C16orf96: variants seen among roughly 807,000 people sequenced by gnomAD.
C16orf96 encodes the protein chromosome 16 open reading frame 96.
In C16orf96, 108 loss-of-function variants were observed where a neutral mutation model predicts 103.6. The observed-to-expected ratio is 1.04, with a 90% CI of 0.89 to 1.22. The LOEUF is 1.22. C16orf96 is among the 50% of genes most tolerant of loss of function. The pLI, the probability that C16orf96 is intolerant of heterozygous loss-of-function variation, is 0.00. For synonymous variants in C16orf96, 566 were observed against 593.5 expected, an observed-to-expected ratio of 0.95 and a Z score of 0.67; for missense variants, 1,586 against 1,464.2, an observed-to-expected ratio of 1.08 and a Z score of -1.36.
intron 9 of C16orf96, among the ~76,000 whole-genome samples, chr16:4,589,353 C>T (rs1031150307): frequency 1.3e-4 from 20 of 150,838 alleles, no homozygotes; most frequent in Admixed American, 2.0e-4. Context: ...CCAAAGCAGG[C>T]AGATCACTTG....
At chr16:4,541,623 AG>A in the C16orf96 span, among the ~76,000 whole-genome samples, 1 of 152,130 alleles carries the variant, frequency 6.6e-6, no homozygotes, top group African/African-American at 2.4e-5. Context: ...TGGTCTATTT[AG>A]TGTCATCTTT....
the C16orf96 span, among the ~76,000 whole-genome samples, chr16:4,550,487 T>C: frequency 1.3e-5 from 2 of 152,294 alleles, no homozygotes; most frequent in East Asian, 1.9e-4. Context: ...TGGCCCCCTC[T>C]CCAGCATCAA....
upstream of C16orf96, among the ~76,000 whole-genome samples, chr16:4,552,842 C>T (rs575715654): frequency 3.3e-5 from 5 of 152,258 alleles, no homozygotes; most frequent in South Asian, 2.1e-4. Context: ...CAGAACTTCA[C>T]ATTTAAATGC....
At chr16:4,569,779 C>T (rs1409126193) in intron 1 of C16orf96, among the ~76,000 whole-genome samples, 1 of 151,984 alleles carries the variant, frequency 6.6e-6, no homozygotes, top group African/African-American at 2.4e-5. Flanking sequence ...GTTCATGTAA[C>T]TCCTGGAGAG....
chr16:4,542,241 C>T, the C16orf96 span, among the ~76,000 whole-genome samples: 3 of 152,020 alleles, frequency 2.0e-5, no homozygotes, highest in Non-Finnish European at 2.9e-5. Flanking sequence ...GGCTCATGCC[C>T]ATAGTCCCAC....
chr16:4,567,518 C>T (rs2059394514), intron 1 of C16orf96, among the ~76,000 whole-genome samples: 1 of 151,316 alleles, frequency 6.6e-6, no homozygotes, highest in South Asian at 2.1e-4. Flanking sequence ...GATCTGACCT[C>T]ATCATCCGCC....
chr16:4,582,282 CAAAAAATA>C (rs1567451333), intron 7 of C16orf96, among the ~76,000 whole-genome samples: 3 of 114,914 alleles, frequency 2.6e-5, no homozygotes, highest in African/African-American at 9.9e-5. Context: ...GACTCAGTCT[CAAAAAATA>C]AATAAATAAA....
intron 15 of C16orf96, 83 bp downstream of exon 15, chr16:4,599,447 A>C (rs551367787): frequency 8.2e-7 from 1 of 1,212,228 alleles, no homozygotes. Context: ...CATCCCCCAC[A>C]CCCCGCCTGG....
chr16:4,596,241 C>T (rs1897169018), intron 14 of C16orf96, among the ~76,000 whole-genome samples: 1 of 152,120 alleles, frequency 6.6e-6, no homozygotes, highest in South Asian at 2.1e-4. Context: ...AATCCCAGCA[C>T]TTTGGGAGAC....
At chr16:4,579,081 T>C in intron 6 of C16orf96, 56 bp downstream of exon 6, 1 of 1,456,918 alleles carries the variant, frequency 6.9e-7, no homozygotes, top group Non-Finnish European at 9.4e-7. Flanking sequence ...GTGAGCTGGC[T>C]GAAGACTCCT....
the C16orf96 span, among the ~76,000 whole-genome samples, chr16:4,545,814 C>G: frequency 6.6e-6 from 1 of 152,104 alleles, no homozygotes; most frequent in Non-Finnish European, 1.5e-5. Context: ...GTTTTTACAG[C>G]TTTAATTACT....
In C16orf96 at chr16:4,600,210, T is replaced by A; in HGVS notation, c.3319T>A (p.Ser1107Thr). 2 of 1,551,376 alleles carry A rather than the reference T, an allele frequency of 1.3e-6. No homozygotes were observed. The highest frequency in any genetic ancestry group is 1.7e-6 in the Non-Finnish European group (2 of 1,146,916). ...GCTGCTGCTGCCACCGCTGATTCCA[T>A]CCCTAAGGGACCCCCAGCAGGCCCC... ...PLLLLPPLIP[S>T]LRDPQQAPGS... Residue 1107 changes from serine to threonine, a missense_variant, in exon 16 of 16, where the codon TCC (serine) becomes ACC (threonine). Physicochemically the swap from Ser to Thr is moderately conservative, Grantham distance 58. Transcript: ENST00000444310.
rs1288722072 is a variant in C16orf96, at chr16:4,581,001, G to A, written c.2352+876G>A. Among the ~76,000 whole-genome samples, 5 of 151,808 alleles carry A rather than the reference G, an allele frequency of 3.3e-5. No individual in the cohort carries two copies. In the East Asian group the frequency reaches 9.7e-4, roughly 29 times the overall value. On this transcript the variant is annotated intron_variant, in intron 7 of 15. Coordinates refer to ENST00000444310, the MANE Select transcript of C16orf96 (RefSeq NM_001145011.2). ...TAGCTGGGCGTGGTGGCGCATGCCT[G>A]TAATCCCAGCTACTCAGGAGGCTGA...
chr16:4,544,375 G>A, the C16orf96 span, among the ~76,000 whole-genome samples: 40 of 152,298 alleles, frequency 2.6e-4, no homozygotes, highest in African/African-American at 9.1e-4. Context: ...GGAGGCCAAG[G>A]CAGGCAGTTC....
At chr16:4,583,807 C>A (rs1896848668) in intron 7 of C16orf96, among the ~76,000 whole-genome samples, 1 of 151,266 alleles carries the variant, frequency 6.6e-6, no homozygotes, top group Non-Finnish European at 1.5e-5. Context: ...TGCCTGTAAT[C>A]CTAGTTACTT....
the C16orf96 span, among the ~76,000 whole-genome samples, chr16:4,550,083 G>C: frequency 8.4e-6 from 1 of 119,286 alleles, no homozygotes; most frequent in Non-Finnish European, 1.8e-5. Context: ...CACACAGTGG[G>C]TAATTTTTTT....
chr16:4,561,938 G>A (rs2141695672), intron 1 of C16orf96, among the ~76,000 whole-genome samples: 1 of 152,292 alleles, frequency 6.6e-6, no homozygotes, highest in African/African-American at 2.4e-5. Flanking sequence ...GCGAAAACAA[G>A]GGATGATGTC....
At chr16:4,566,998 T>G (rs979736158) in intron 1 of C16orf96, among the ~76,000 whole-genome samples, 4 of 152,108 alleles carry the variant, frequency 2.6e-5, no homozygotes, top group African/African-American at 9.7e-5. Context: ...ATCCTCTATT[T>G]CATTAATTTC....
At position 4,600,381 on chromosome 16, in the gene C16orf96, G is replaced by A; in HGVS notation, c.*64G>A. On this transcript the variant is annotated 3_prime_UTR_variant, in exon 16 of 16. Coordinates refer to ENST00000444310, the MANE Select transcript of C16orf96 (RefSeq NM_001145011.2). ...CACGTCCGAGGCTGAGGCCCATGTG[G>A]CCCTCCCACTCCCACCAAGTCCCCT... The A allele has an allele frequency of 8.3e-7, 1 of 1,206,510 alleles. No homozygotes were observed. The highest frequency in any genetic ancestry group is 1.2e-6 in the Non-Finnish European group (1 of 851,216). 74.7% of individuals were successfully genotyped at this position (1,206,510 alleles called of 1,614,324 possible).
Sources: gnomAD v4.1 joint callset for allele counts (sites outside exome capture counted in the v4.1 genomes callset) on GRCh38, gnomAD v4.1.1 for gene constraint, MANE v1.5 for transcripts, NCBI Gene and HGNC (gene_info 2026-07-23, HGNC 2026-07-21) for gene names.